The following EIF4G3 variants were observed in gnomAD, a reference collection of about 807,000 sequenced individuals.
EIF4G3 encodes the protein eIF-4-gamma 3.
EIF4G3 carries 34 observed loss-of-function variants against 186.4 expected under a neutral mutation model. The observed-to-expected ratio is 0.18, with a 90% CI of 0.14 to 0.24. EIF4G3 has a LOEUF of 0.24. Ranked by LOEUF, EIF4G3 falls within the 10% of genes least tolerant of loss-of-function variation. EIF4G3 has a pLI of 1.00. For missense variants in EIF4G3, 1,536 were observed against 1,948.5 expected, an observed-to-expected ratio of 0.79 and a Z score of 3.99; for synonymous variants, 673 against 679.5, an observed-to-expected ratio of 0.99 and a Z score of 0.15.
At chr1:21,140,630 G>A (rs2097321667) in intron 2 of EIF4G3, among the ~76,000 whole-genome samples, 1 of 152,176 alleles carries the variant, frequency 6.6e-6, no homozygotes, top group Non-Finnish European at 1.5e-5. Flanking sequence ...TATTTATGCA[G>A]CAGGTTATAA....
At chr1:21,041,975 ATTTCT>A (rs2093608650) in intron 4 of EIF4G3, among the ~76,000 whole-genome samples, 2 of 151,850 alleles carry the variant, frequency 1.3e-5, no homozygotes, top group African/African-American at 2.4e-5. Context: ...ATTATAACAA[ATTTCT>A]TTTCTTTTCT....
intron 3 of EIF4G3, among the ~76,000 whole-genome samples, chr1:21,070,669 A>C (rs2100300566): frequency 6.8e-6 from 1 of 147,028 alleles, no homozygotes; most frequent in East Asian, 1.9e-4. Context: ...CAAACATAAA[A>C]TAAAAAACAA....
chr1:20,893,092 T>TC (rs2086681503), intron 18 of EIF4G3: 1 of 203,654 alleles, frequency 4.9e-6, no homozygotes. Flanking sequence ...TTTTTTCTTT[T>TC]CTTTTTTTTT....
chr1:20,888,139 T>C (rs1158201867), intron 18 of EIF4G3, among the ~76,000 whole-genome samples: 1 of 152,122 alleles, frequency 6.6e-6, no homozygotes, highest in African/African-American at 2.4e-5. Context: ...TGAATAAATA[T>C]GCCTTGAGAT....
intron 29 of EIF4G3, among the ~76,000 whole-genome samples, chr1:20,841,603 T>C (rs773934837): frequency 1.1e-4 from 17 of 152,228 alleles, no homozygotes; most frequent in Non-Finnish European, 2.5e-4. Flanking sequence ...TTAAGTGATA[T>C]GGTTAGGTTA....
chr1:20,982,368 C>G lies in EIF4G3; in HGVS notation c.198+20G>C. Reference sequence around the variant, plus strand: ...CAGACTGAGTTATAAAGAGGCCATGCAGAACCAGTAGTTTGTTACCTGGAT... The same window carrying G: ...CAGACTGAGTTATAAAGAGGCCATGGAGAACCAGTAGTTTGTTACCTGGAT... On this transcript the variant is annotated intron_variant, in intron 8 of 36. Transcript: ENST00000602326. 2 of 1,516,274 alleles carry G rather than the reference C, an allele frequency of 1.3e-6. No individual in the cohort carries two copies. Among genetic ancestry groups the G allele is most frequent in the Non-Finnish European group, 1.8e-6 (2 of 1,136,912 alleles). The allele number at this position is 1,516,274 out of a possible 1,614,324, so 93.9% of individuals were successfully genotyped here.
chr1:20,956,617 C>CAAAAAAA (rs61623629), intron 12 of EIF4G3, among the ~76,000 whole-genome samples: 2 of 114,570 alleles, frequency 1.7e-5, no homozygotes, highest in Non-Finnish European at 1.7e-5. Context: ...GTATAATTTA[C>CAAAAAAA]AAAAAAAAAA....
chr1:20,862,186 G>C (rs768180489), intron 23 of EIF4G3, 42 bp downstream of exon 23: 1 of 1,226,976 alleles, frequency 8.2e-7, no homozygotes, highest in Non-Finnish European at 1.2e-6. Context: ...CCTTTAAAGA[G>C]ACTGGACCAG....
intron 2 of EIF4G3, among the ~76,000 whole-genome samples, chr1:21,118,928 T>C (rs1254422761): frequency 1.2e-5 from 1 of 84,448 alleles, no homozygotes; most frequent in East Asian, 3.2e-4. Flanking sequence ...AACCAAGCTC[T>C]ATTAAAAAAA....
chr1:20,824,333 T>G (rs997222112), intron 33 of EIF4G3, among the ~76,000 whole-genome samples: 4 of 152,342 alleles, frequency 2.6e-5, no homozygotes, highest in Non-Finnish European at 4.4e-5. Flanking sequence ...AAAATACTTA[T>G]TTTAAAGTCA....
In EIF4G3 at chr1:21,166,257, A is replaced by T. The variant is rs564335350; in HGVS notation, c.-272+9918T>A. ...GCCTGGGCAACAAACTGAGATCTCT[A>T]AAAAAAAAAAAAAAATTAAAAAATT... is the stretch of plus-strand genomic sequence containing the variant. On this transcript the variant is annotated intron_variant, in intron 2 of 36. Coordinates refer to ENST00000602326, the MANE Select transcript of EIF4G3 (RefSeq NM_001391906.1). Among the ~76,000 whole-genome samples the T allele has an allele frequency of 7.3e-4, 16 of 21,858 alleles. No homozygotes were observed. The South Asian group carries it at 0.025, about 34-fold the overall frequency. 14.3% of individuals were successfully genotyped at this position (21,858 alleles called of 152,430 possible).
chr1:21,029,282 A>G (rs2092499962), intron 4 of EIF4G3, among the ~76,000 whole-genome samples: 1 of 152,000 alleles, frequency 6.6e-6, no homozygotes. Flanking sequence ...AGCCTCCCAA[A>G]GTGCTGGAAT....
chr1:21,025,067 A>G (rs2091855969), intron 4 of EIF4G3, among the ~76,000 whole-genome samples: 1 of 152,126 alleles, frequency 6.6e-6, no homozygotes, highest in African/African-American at 2.4e-5. Context: ...AAAGCAGAGG[A>G]GATCATGTGT....
At chr1:20,860,833 T>G (rs1186241773) in intron 23 of EIF4G3, among the ~76,000 whole-genome samples, 1 of 152,200 alleles carries the variant, frequency 6.6e-6, no homozygotes, top group African/African-American at 2.4e-5. Flanking sequence ...GTGGACTAAA[T>G]GGATTTTATC....
At chr1:20,913,506 T>C (rs1256327794) in intron 14 of EIF4G3, among the ~76,000 whole-genome samples, 1 of 152,180 alleles carries the variant, frequency 6.6e-6, no homozygotes, top group African/African-American at 2.4e-5. Flanking sequence ...CCCCACCCTG[T>C]GTGACAGAGC....
At chr1:20,903,030 C>G (rs1402433477) in intron 15 of EIF4G3, among the ~76,000 whole-genome samples, 1 of 152,224 alleles carries the variant, frequency 6.6e-6, no homozygotes, top group African/African-American at 2.4e-5. Flanking sequence ...GCTAAAGAAG[C>G]TTTATAGCAA....
At chr1:21,117,893 T>C (rs939433049) in intron 2 of EIF4G3, among the ~76,000 whole-genome samples, 8 of 152,078 alleles carry the variant, frequency 5.3e-5, no homozygotes, top group African/African-American at 1.9e-4. Flanking sequence ...TAGGTCTTTG[T>C]TCAACACAGA....
intron 7 of EIF4G3, among the ~76,000 whole-genome samples, chr1:20,982,888 C>G (rs2078608694): frequency 6.6e-6 from 1 of 152,152 alleles, no homozygotes; most frequent in African/African-American, 2.4e-5. Flanking sequence ...CAGAGACTTG[C>G]TTGCTCTTTT....
intron 2 of EIF4G3, among the ~76,000 whole-genome samples, chr1:21,131,321 GA>G (rs201823220): frequency 6.2e-4 from 75 of 120,742 alleles, no homozygotes; most frequent in African/African-American, 7.1e-4. Flanking sequence ...ACATAGGGAA[GA>G]AAAAAAAAAA....
Sources: allele counts gnomAD v4.1 joint callset (sites outside exome capture counted in the v4.1 genomes callset), GRCh38; gene constraint gnomAD v4.1.1; transcripts MANE v1.5; gene names NCBI Gene and HGNC (gene_info 2026-07-23, HGNC 2026-07-21).